PLXNA4: variants seen among roughly 807,000 people sequenced by gnomAD.
The protein encoded by PLXNA4 is plexin A4.
Under a neutral mutation model 191.8 loss-of-function variants are expected in PLXNA4, and 44 were observed. That is an observed-to-expected ratio of 0.23 (90% CI 0.18 to 0.29). The LOEUF is 0.29. Among genes scored for constraint, PLXNA4 ranks in the 10% least tolerant of loss-of-function variants. The pLI, the probability that PLXNA4 is intolerant of heterozygous loss-of-function variation, is 1.00. For synonymous variants in PLXNA4, 1,082 were observed against 1,009.5 expected (o/e 1.07, Z -1.36); for missense variants, 1,800 against 2,488.8 (o/e 0.72, Z 5.89).
chr7:132,209,370 G>A (rs1313601740), intron 10 of PLXNA4, among the ~76,000 whole-genome samples: 2 of 152,190 alleles, frequency 1.3e-5, no homozygotes, highest in Non-Finnish European at 2.9e-5. Context: ...CCAGATGCAG[G>A]TCTCTTTCTA....
chr7:132,358,060 G>C (rs1585031797), intron 3 of PLXNA4, among the ~76,000 whole-genome samples: 1 of 152,230 alleles, frequency 6.6e-6, no homozygotes, highest in East Asian at 1.9e-4. Context: ...ATGAGGATTT[G>C]TGAACAAGAT....
intron 4 of PLXNA4, among the ~76,000 whole-genome samples, chr7:132,275,829 T>C (rs918445492): frequency 4.6e-5 from 7 of 152,218 alleles, no homozygotes; most frequent in African/African-American, 1.7e-4. Flanking sequence ...GGCTTTCTTT[T>C]GCTCCCATTT....
At chr7:132,516,904 C>T (rs901563256) in intron 1 of PLXNA4, among the ~76,000 whole-genome samples, 2 of 152,158 alleles carry the variant, frequency 1.3e-5, no homozygotes, top group African/African-American at 4.8e-5. Flanking sequence ...CAGCGGTGAG[C>T]CGAGATTGTG....
intron 2 of PLXNA4, among the ~76,000 whole-genome samples, chr7:132,496,104 G>A (rs2117575481): frequency 6.6e-6 from 1 of 152,354 alleles, no homozygotes. Context: ...GGGGAGTCCA[G>A]AGAATGGACC....
At chr7:132,330,766 C>T (rs1004026137) in intron 3 of PLXNA4, among the ~76,000 whole-genome samples, 2 of 152,212 alleles carry the variant, frequency 1.3e-5, no homozygotes, top group Non-Finnish European at 2.9e-5. Flanking sequence ...TCACAGACAG[C>T]ACCACTGACC....
intron 1 of PLXNA4, among the ~76,000 whole-genome samples, chr7:132,571,907 G>A (rs866791504): frequency 4.6e-5 from 7 of 152,222 alleles, no homozygotes; most frequent in Middle Eastern, 3.4e-3. Context: ...CTCAGGACCT[G>A]AGCATTCTGC....
Position 132,371,329 on chromosome 7 carries a change from T to C in PLXNA4, c.1372-73107A>G, listed in dbSNP as rs138154455. On this transcript the variant is annotated intron_variant, in intron 3 of 31. Transcript: ENST00000321063. ...CCAAAAACTGTCCCAGGAGACCCTCTGAGATGGCCCAAGACCCTCAAAGAA... is the reference window on the plus strand; with the variant it reads ...CCAAAAACTGTCCCAGGAGACCCTCCGAGATGGCCCAAGACCCTCAAAGAA... Among the ~76,000 whole-genome samples the C allele has an allele frequency of 3.4e-3, 523 of 152,306 alleles. 2 individuals carry two copies. The highest frequency in any genetic ancestry group is 0.012 in the African/African-American group (485 of 41,572).
At chr7:132,222,989 C>T (rs1330523005) in intron 9 of PLXNA4, among the ~76,000 whole-genome samples, 6 of 152,166 alleles carry the variant, frequency 3.9e-5, no homozygotes, top group Non-Finnish European at 7.3e-5. Context: ...CAGAAGACTT[C>T]GTGTTTCTAG....
Position 132,148,591 on chromosome 7 carries a change from G to A in PLXNA4, c.4716C>T (p.Thr1572=), listed in dbSNP as rs761337425. ...RMILQDEDIT[T]KIENDWKRLN... is the part of the protein sequence containing the mutation. ...GTCGCTTCCAATCATTCTCAATCTT[G>A]GTGGTGATGTCTTCATCCTGCAAGA... Residue 1572 remains threonine, a synonymous_variant, in exon 26 of 32, where the codon ACC becomes ACT. Coordinates refer to ENST00000321063, the MANE Select transcript of PLXNA4 (RefSeq NM_020911.2). 2.5e-6 allele frequency: 4 copies of A among 1,614,144 alleles called. No homozygotes were observed. Among genetic ancestry groups the A allele is most frequent in the East Asian group, 2.2e-5 (1 of 44,888 alleles).
At chr7:132,189,250 G>A (rs1173969178) in intron 14 of PLXNA4, among the ~76,000 whole-genome samples, 3 of 151,902 alleles carry the variant, frequency 2.0e-5, no homozygotes, top group Non-Finnish European at 4.4e-5. Flanking sequence ...TCACTGGTGG[G>A]GAGAGGATGT....
At chr7:132,448,686 G>C (rs760921084) in intron 3 of PLXNA4, among the ~76,000 whole-genome samples, 1 of 152,156 alleles carries the variant, frequency 6.6e-6, no homozygotes, top group Non-Finnish European at 1.5e-5. Context: ...AGCAGTTATT[G>C]TTTCTTGTTC....
intron 20 of PLXNA4, among the ~76,000 whole-genome samples, chr7:132,176,886 CTA>C (rs201815668): frequency 0.012 from 1,767 of 151,148 alleles, 48 homozygotes; most frequent in African/African-American, 0.04. Context: ...GTGCATGCGT[CTA>C]TGTGTGCACG....
intron 2 of PLXNA4, among the ~76,000 whole-genome samples, chr7:132,637,950 G>T (rs935498690): frequency 2.0e-5 from 3 of 152,184 alleles, no homozygotes; most frequent in Non-Finnish European, 4.4e-5. Context: ...TCCAAAAATG[G>T]ATACTAAGCA....
upstream of PLXNA4, among the ~76,000 whole-genome samples, chr7:132,578,728 T>C (rs1369785993): frequency 6.6e-6 from 1 of 152,184 alleles, no homozygotes; most frequent in Non-Finnish European, 1.5e-5. Context: ...TTTGATTCTT[T>C]GGTTAAAGGA....
chr7:132,329,323 T>G (rs900557459), intron 3 of PLXNA4, among the ~76,000 whole-genome samples: 2 of 152,200 alleles, frequency 1.3e-5, no homozygotes, highest in Non-Finnish European at 2.9e-5. Flanking sequence ...TTTTTGGGAA[T>G]GCTCGCCCTC....
intron 3 of PLXNA4, among the ~76,000 whole-genome samples, chr7:132,462,088 G>A (rs1796529692): frequency 6.6e-6 from 1 of 152,160 alleles, no homozygotes; most frequent in South Asian, 2.1e-4. Context: ...TTATCATAAT[G>A]TAAAAATAAT....
At chr7:132,312,113 G>A (rs1309151814) in intron 3 of PLXNA4, among the ~76,000 whole-genome samples, 2 of 150,704 alleles carry the variant, frequency 1.3e-5, no homozygotes, top group Non-Finnish European at 2.9e-5. Flanking sequence ...TTTGATCCCA[G>A]TGAGGGAGGC....
chr7:132,202,894 G>A (rs1797487590), intron 11 of PLXNA4, 58 bp from the exon 12 acceptor site: 1 of 1,440,070 alleles, frequency 6.9e-7, no homozygotes, highest in Non-Finnish European at 9.2e-7. Context: ...GGGACAGAAG[G>A]GGCCCAGAGA....
intron 3 of PLXNA4, among the ~76,000 whole-genome samples, chr7:132,319,855 T>C (rs1190098249): frequency 6.6e-6 from 1 of 152,172 alleles, no homozygotes; most frequent in Middle Eastern, 3.2e-3. Flanking sequence ...TCCCCACCTC[T>C]CCTATGCTCT....
Sources: allele counts gnomAD v4.1 joint callset (sites outside exome capture counted in the v4.1 genomes callset), GRCh38; gene constraint gnomAD v4.1.1; transcripts MANE v1.5; gene names NCBI Gene and HGNC (gene_info 2026-07-23, HGNC 2026-07-21).